Variants in EBF2 observed in about 807,000 individuals in gnomAD.
EBF2 encodes transcription factor COE2.
A neutral mutation model predicts 72.8 loss-of-function variants in EBF2; 21 were observed. The ratio of observed to expected loss-of-function variants is 0.29; its 90% CI spans 0.20 to 0.42. The LOEUF is 0.42. Among genes scored for constraint, EBF2 ranks in the 10% least tolerant of loss-of-function variants. The probability of loss-of-function intolerance (pLI) is 1.00; values close to 1 mark genes in which losing one functional copy is unlikely to be tolerated. For synonymous variants in EBF2, 299 were observed against 274.2 expected (o/e 1.09, Z -0.89); for missense variants, 637 against 731.2 (o/e 0.87, Z 1.49).
At chr8:25,845,828 A>G (rs1801821636) in intron 15 of EBF2, among the ~76,000 whole-genome samples, 1 of 152,244 alleles carries the variant, frequency 6.6e-6, no homozygotes, top group African/African-American at 2.4e-5. Flanking sequence ...TTTGCATTTT[A>G]CTATCTACAA....
intron 6 of EBF2, among the ~76,000 whole-genome samples, chr8:25,966,157 T>C (rs1804111682): frequency 6.6e-6 from 1 of 152,238 alleles, no homozygotes; most frequent in Non-Finnish European, 1.5e-5. Flanking sequence ...GCTCAAGGCC[T>C]GAGGCTTTAG....
intron 6 of EBF2, among the ~76,000 whole-genome samples, chr8:25,948,270 C>T (rs1202046342): frequency 6.6e-6 from 1 of 152,202 alleles, no homozygotes; most frequent in African/African-American, 2.4e-5. Context: ...AGCGCAAGGG[C>T]TCTGTGGATG....
At chr8:26,035,256 T>C (rs986762457) in intron 5 of EBF2, among the ~76,000 whole-genome samples, 3 of 152,172 alleles carry the variant, frequency 2.0e-5, no homozygotes, top group South Asian at 4.2e-4. Context: ...GATCCTCCTT[T>C]CTCAGACTCC....
chr8:25,912,254 A>G (rs916507718), intron 6 of EBF2, among the ~76,000 whole-genome samples: 6 of 152,168 alleles, frequency 3.9e-5, no homozygotes, highest in Non-Finnish European at 8.8e-5. Context: ...AGTGGTGAAC[A>G]CAAGGATTGG....
intron 6 of EBF2, among the ~76,000 whole-genome samples, chr8:26,021,048 G>T (rs2117244589): frequency 6.6e-6 from 1 of 152,298 alleles, no homozygotes; most frequent in Non-Finnish European, 1.5e-5. Flanking sequence ...AGGAGACTTG[G>T]AGAATGCTAA....
rs548682921 is a variant in EBF2 at position 25,884,560 on chromosome 8, C to T, written c.1009+2195G>A. On this transcript the variant is annotated intron_variant, in intron 10 of 15. Coordinates refer to ENST00000520164, the MANE Select transcript of EBF2 (RefSeq NM_022659.4). ...TGAAATTATATCACTTATTTTCTCT[C>T]TTGTCTGTCTTCCCCTCTATAATAC... Among the ~76,000 whole-genome samples the T allele has an allele frequency of 1.6e-4, 25 of 152,270 alleles. No individual in the cohort carries two copies. The South Asian group carries it at 5.0e-3, about 30-fold the overall frequency.
chr8:26,040,359 C>T (rs1805577702), intron 4 of EBF2, among the ~76,000 whole-genome samples: 1 of 152,020 alleles, frequency 6.6e-6, no homozygotes, highest in Non-Finnish European at 1.5e-5. Flanking sequence ...TAATTGTTTC[C>T]TCTCCATCCT....
intron 6 of EBF2, among the ~76,000 whole-genome samples, chr8:25,989,429 C>G (rs1272939531): frequency 6.6e-6 from 1 of 152,162 alleles, no homozygotes; most frequent in Non-Finnish European, 1.5e-5. Flanking sequence ...GGCAAGACCT[C>G]ATCTAATCCC....
intron 14 of EBF2, among the ~76,000 whole-genome samples, chr8:25,856,426 G>C (rs1023743209): frequency 6.6e-6 from 1 of 152,128 alleles, no homozygotes; most frequent in Non-Finnish European, 1.5e-5. Context: ...ATGTGTTCTA[G>C]TCCCTTTTTT....
intron 5 of EBF2, among the ~76,000 whole-genome samples, chr8:26,036,613 G>C (rs904567674): frequency 1.3e-5 from 2 of 151,840 alleles, no homozygotes; most frequent in African/African-American, 4.8e-5. Flanking sequence ...ACGGCATTCA[G>C]TCCTCCTGCC....
intron 6 of EBF2, among the ~76,000 whole-genome samples, chr8:26,021,480 G>A (rs1433616703): frequency 6.6e-6 from 1 of 152,264 alleles, no homozygotes; most frequent in Non-Finnish European, 1.5e-5. Context: ...CCCTCCACAG[G>A]CTGAGAAAGG....
chr8:25,892,122 T>C (rs1173309194), intron 7 of EBF2, among the ~76,000 whole-genome samples: 1 of 152,204 alleles, frequency 6.6e-6, no homozygotes, highest in Non-Finnish European at 1.5e-5. Context: ...CCCTATATTA[T>C]GCTTTTTCCT....
chr8:25,899,233 CCA>C (rs1214753507), intron 7 of EBF2, among the ~76,000 whole-genome samples: 6 of 151,024 alleles, frequency 4.0e-5, no homozygotes, highest in African/African-American at 9.8e-5. Flanking sequence ...CTCCGACCCT[CCA>C]CAGTTTTTTT....
At chr8:25,844,922 A>G (rs954102655) in intron 15 of EBF2, among the ~76,000 whole-genome samples, 1 of 152,242 alleles carries the variant, frequency 6.6e-6, no homozygotes, top group African/African-American at 2.4e-5. Flanking sequence ...TGTATAAATG[A>G]GACAACAGAT....
chr8:25,968,839 C>G (rs951474475), intron 6 of EBF2, among the ~76,000 whole-genome samples: 4 of 152,206 alleles, frequency 2.6e-5, no homozygotes, highest in Admixed American at 2.6e-4. Flanking sequence ...ATGACAGGCA[C>G]GAGCCACCGT....
chr8:26,043,375 G>A (rs1805641577), intron 1 of EBF2, among the ~76,000 whole-genome samples: 1 of 152,262 alleles, frequency 6.6e-6, no homozygotes, highest in African/African-American at 2.4e-5. Flanking sequence ...GCTCCTTCCA[G>A]CTTCAACAAA....
At chr8:25,847,767 T>C (rs905965790) in intron 15 of EBF2, among the ~76,000 whole-genome samples, 1 of 152,182 alleles carries the variant, frequency 6.6e-6, no homozygotes. Context: ...CTAATACTCT[T>C]TAAGGATTTC....
rs1347856444 is a variant in EBF2, at chr8:25,850,749, C to CT, written c.1540dup (p.Ser514LysfsTer77). ...TGTGCTGGAAGACCCAACGGTGGGA[C>CT]TTGATGACATGACTGGAAAGCAAAT... On this transcript the variant is annotated frameshift_variant, in exon 15 of 16. Coordinates refer to ENST00000520164, the MANE Select transcript of EBF2 (RefSeq NM_022659.4). LOFTEE classifies it high-confidence loss of function. The CT allele has an allele frequency of 6.4e-7, 1 of 1,560,160 alleles. No individual in the cohort carries two copies. The highest frequency in any genetic ancestry group is 8.6e-7 in the Non-Finnish European group (1 of 1,160,878).
chr8:25,967,320 C>G (rs910557469), intron 6 of EBF2, among the ~76,000 whole-genome samples: 2 of 152,206 alleles, frequency 1.3e-5, no homozygotes, highest in African/African-American at 4.8e-5. Context: ...GATCCATGTA[C>G]AGATGCTCCT....
Sources: allele counts gnomAD v4.1 joint callset (sites outside exome capture counted in the v4.1 genomes callset), GRCh38; gene constraint gnomAD v4.1.1; transcripts MANE v1.5; gene names NCBI Gene and HGNC (gene_info 2026-07-23, HGNC 2026-07-21).